CNNM2: variants seen among roughly 807,000 people sequenced by gnomAD.
CNNM2 encodes the protein metal transporter CNNM2.
A neutral mutation model predicts 66.9 loss-of-function variants in CNNM2; 12 were observed. That is an observed-to-expected ratio of 0.18 (90% CI 0.11 to 0.29). The LOEUF (loss-of-function observed/expected upper bound fraction) is 0.29, where lower values mean the gene tolerates loss of function less well. Among genes scored for constraint, CNNM2 ranks in the 10% least tolerant of loss-of-function variants. The probability of loss-of-function intolerance (pLI) is 1.00; values close to 1 mark genes in which losing one functional copy is unlikely to be tolerated. For synonymous variants in CNNM2, 557 were observed against 501.8 expected, an observed-to-expected ratio of 1.11 and a Z score of -1.47; for missense variants, 705 against 1,167.7, an observed-to-expected ratio of 0.60 and a Z score of 5.77.
chr10:103,079,856 T>C lies in CNNM2; in HGVS notation c.*2676T>C, dbSNP rs1254102633. 1 of 152,188 alleles carries C rather than the reference T, an allele frequency of 6.6e-6. No individual in the cohort carries two copies. The highest frequency in any genetic ancestry group is 1.5e-5 in the Non-Finnish European group (1 of 68,056). 9.4% of individuals were successfully genotyped at this position (152,188 alleles called of 1,614,324 possible). A position where few individuals can be genotyped will look rare whatever the true frequency, so the allele number is the denominator to read the frequency against. The stretch of plus-strand genomic sequence containing the variant: ...CTTAGGACCCTTCAAACAACACTCA[T>C]GTCTGAGCGGCCAGATTCCTCCTCC... On this transcript the variant is annotated 3_prime_UTR_variant, in exon 8 of 8. Transcript: ENST00000369878.
intron 1 of CNNM2, among the ~76,000 whole-genome samples, chr10:103,003,313 C>G (rs1171084868): frequency 3.3e-5 from 5 of 151,926 alleles, no homozygotes; most frequent in Admixed American, 1.3e-4. Context: ...AGGGTTTCAC[C>G]ATGTTGGCCA....
intron 1 of CNNM2, among the ~76,000 whole-genome samples, chr10:102,994,012 C>T (rs2063942333): frequency 6.6e-6 from 1 of 152,164 alleles, no homozygotes; most frequent in South Asian, 2.1e-4. Context: ...TCTTGGTTCA[C>T]TGCAACCTCT....
chr10:103,028,829 T>TTTTTTTTTTTTTC (rs2064763989), intron 1 of CNNM2, among the ~76,000 whole-genome samples: 2 of 19,884 alleles, frequency 1.0e-4, no homozygotes, highest in African/African-American at 1.4e-4. Flanking sequence ...TTTTTTTTTC[T>TTTTTTTTTTTTTC]TTTTTTTTTT....
intron 1 of CNNM2, among the ~76,000 whole-genome samples, chr10:103,007,458 ATG>A (rs1163759566): frequency 7.2e-5 from 11 of 152,110 alleles, no homozygotes; most frequent in African/African-American, 2.7e-4. Flanking sequence ...ACCAGGGTGT[ATG>A]TCAGTCCTTA....
chr10:103,024,813 T>C (rs1284617992), intron 1 of CNNM2, among the ~76,000 whole-genome samples: 1 of 152,156 alleles, frequency 6.6e-6, no homozygotes, highest in Non-Finnish European at 1.5e-5. Flanking sequence ...GCTAGTTGTT[T>C]TGTAGAGTGC....
At chr10:102,988,141 A>G (rs578146752) in intron 1 of CNNM2, among the ~76,000 whole-genome samples, 1 of 152,254 alleles carries the variant, frequency 6.6e-6, no homozygotes, top group East Asian at 1.9e-4. Flanking sequence ...TCTATTAAAA[A>G]TACAAAAAAA....
At position 103,029,879 on chromosome 10, in the gene CNNM2, AT is replaced by A. The variant is rs35443788; in HGVS notation, c.1622-19827del. The stretch of plus-strand genomic sequence containing the variant: ...AGACTCCGTCTCAAAAAAAAAAAAA[AT>A]AATCTCAGAGGAGAGTGAGATAGTT... On this transcript the variant is annotated intron_variant, in intron 1 of 7. Coordinates refer to ENST00000369878, the MANE Select transcript of CNNM2 (RefSeq NM_017649.5). 0.39 allele frequency among the ~76,000 whole-genome samples: 57,868 copies of A among 147,652 alleles called. 11,169 individuals carry two copies. The highest frequency in any genetic ancestry group is 0.55 in the East Asian group (2,716 of 4,982).
chr10:102,951,114 A>C (rs1846814562), intron 1 of CNNM2, among the ~76,000 whole-genome samples: 1 of 150,964 alleles, frequency 6.6e-6, no homozygotes, highest in South Asian at 2.1e-4. Flanking sequence ...CAACCTCCCA[A>C]GTAGCTGGGA....
intron 1 of CNNM2, among the ~76,000 whole-genome samples, chr10:102,928,443 G>C (rs1261670314): frequency 1.3e-5 from 2 of 152,060 alleles, no homozygotes; most frequent in Admixed American, 6.6e-5. Flanking sequence ...TTAGCCAGCT[G>C]TGGTGGTGGG....
At chr10:103,056,705 A>G in intron 3 of CNNM2, 90 bp from the exon 4 acceptor site, 1 of 1,228,440 alleles carries the variant, frequency 8.1e-7, no homozygotes, top group South Asian at 1.3e-5. Context: ...GATTCCAAGT[A>G]TTCTTATCTA....
intron 1 of CNNM2, among the ~76,000 whole-genome samples, chr10:103,049,367 A>G (rs1455282811): frequency 6.6e-6 from 1 of 152,166 alleles, no homozygotes; most frequent in Admixed American, 6.5e-5. Context: ...GGTCTTGGGA[A>G]TCCCTAGGGC....
Position 102,919,368 on chromosome 10 carries a change from G to A in CNNM2, c.888G>A (p.Glu296=), listed in dbSNP as rs747427313. Residue 296 remains glutamate, a synonymous_variant, in exon 1 of 8, where the codon GAG becomes GAA. Coordinates refer to ENST00000369878, the MANE Select transcript of CNNM2 (RefSeq NM_017649.5). The stretch of plus-strand genomic sequence containing the variant: ...GCATCGTGCAGAACTGCGGCACGGA[G>A]AAGGAGAAGAATTACGCCAAGCGCA... ...ELRIVQNCGT[E]KEKNYAKRIE... 8.1e-6 allele frequency: 13 copies of A among 1,612,606 alleles called. No individual in the cohort carries two copies. The Admixed American group carries it at 1.5e-4, about 19-fold the overall frequency.
At chr10:103,027,806 C>G in intron 1 of CNNM2, among the ~76,000 whole-genome samples, 1 of 152,116 alleles carries the variant, frequency 6.6e-6, no homozygotes, top group African/African-American at 2.4e-5. Flanking sequence ...ATTTATTGAG[C>G]ACTTACTATG....
At chr10:102,920,568 T>A (rs1415309014) in intron 1 of CNNM2, among the ~76,000 whole-genome samples, 1 of 152,184 alleles carries the variant, frequency 6.6e-6, no homozygotes, top group Non-Finnish European at 1.5e-5. Flanking sequence ...TTTCTCCTCC[T>A]TAAACATCCA....
rs1293612370 is a variant in CNNM2, at chr10:103,015,510, C to G, written c.1622-34197C>G. ...TTGGAAACTCATGTATGTCATAATTCCATACCGAGGACCATCTCTAGCACA... is the reference window on the plus strand; with the variant it reads ...TTGGAAACTCATGTATGTCATAATTGCATACCGAGGACCATCTCTAGCACA... On this transcript the variant is annotated intron_variant, in intron 1 of 7. Transcript: ENST00000369878. Among the ~76,000 whole-genome samples the G allele has an allele frequency of 6.6e-5, 10 of 152,124 alleles. 1 individual carries two copies. The highest frequency in any genetic ancestry group is 1.5e-5 in the Non-Finnish European group (1 of 68,038).
At chr10:102,944,035 C>T (rs1045717566) in intron 1 of CNNM2, among the ~76,000 whole-genome samples, 3 of 151,818 alleles carry the variant, frequency 2.0e-5, no homozygotes, top group Admixed American at 6.6e-5. Context: ...CAATTAAAAC[C>T]TCACATTTCT....
chr10:102,934,279 C>CTTTTT (rs35361809), intron 1 of CNNM2, among the ~76,000 whole-genome samples: 2 of 133,674 alleles, frequency 1.5e-5, no homozygotes, highest in Admixed American at 7.9e-5. Flanking sequence ...TTCTTTCTTT[C>CTTTTT]TTTTTTTTTT....
intron 1 of CNNM2, among the ~76,000 whole-genome samples, chr10:102,959,624 T>G (rs1266185392): frequency 6.6e-6 from 1 of 152,196 alleles, no homozygotes; most frequent in South Asian, 2.1e-4. Context: ...TCACCCAAGC[T>G]GGGGTGCAGT....
chr10:103,062,336 C>T (rs904092257), intron 4 of CNNM2, among the ~76,000 whole-genome samples: 2 of 152,124 alleles, frequency 1.3e-5, no homozygotes, highest in African/African-American at 4.8e-5. Flanking sequence ...CACCCTTCAC[C>T]TGATAGGAAG....
Sources: gnomAD v4.1 joint callset for allele counts (sites outside exome capture counted in the v4.1 genomes callset) on GRCh38, gnomAD v4.1.1 for gene constraint, MANE v1.5 for transcripts, NCBI Gene and HGNC (gene_info 2026-07-23, HGNC 2026-07-21) for gene names.